SLC2A13: variants seen among roughly 807,000 people sequenced by gnomAD.
SLC2A13 encodes the protein proton myo-inositol cotransporter.
SLC2A13 carries 32 observed loss-of-function variants against 64.4 expected under a neutral mutation model. The observed-to-expected ratio is 0.50, with a 90% CI of 0.37 to 0.67. The LOEUF (loss-of-function observed/expected upper bound fraction) is 0.67. SLC2A13 is among the 30% of genes least tolerant of loss of function. SLC2A13 has a pLI of 0.00. For synonymous variants in SLC2A13, 338 were observed against 327.1 expected, an observed-to-expected ratio of 1.03 and a Z score of -0.36; for missense variants, 743 against 829.2, an observed-to-expected ratio of 0.90 and a Z score of 1.28.
intron 1 of SLC2A13, among the ~76,000 whole-genome samples, chr12:40,093,654 G>C (rs1344710646): frequency 1.3e-5 from 2 of 152,076 alleles, no homozygotes; most frequent in African/African-American, 4.8e-5. Context: ...AAACACAAGA[G>C]AGAAAGGGAA....
chr12:39,892,296 C>T (rs1329069981), intron 4 of SLC2A13, among the ~76,000 whole-genome samples: 1 of 152,150 alleles, frequency 6.6e-6, no homozygotes, highest in African/African-American at 2.4e-5. Context: ...ACCCTTTCAG[C>T]TTGTTTGGGT....
intron 1 of SLC2A13, among the ~76,000 whole-genome samples, chr12:40,102,059 A>G (rs1350483735): frequency 3.3e-5 from 5 of 152,138 alleles, no homozygotes; most frequent in Non-Finnish European, 5.9e-5. Context: ...TGAATATCCC[A>G]CTGTAGAACT....
At chr12:39,826,864 T>TTTTTTTTTTTTTTTTTTTTTTTTTC (rs908001616) in intron 7 of SLC2A13, among the ~76,000 whole-genome samples, 4 of 143,508 alleles carry the variant, frequency 2.8e-5, no homozygotes, top group Non-Finnish European at 6.1e-5. Context: ...ATTTTTTTTT[T>TTTTTTTTTTTTTTTTTTTTTTTTTC]TTTTTTTTGC....
chr12:39,816,436 G>T (rs1200649115), intron 7 of SLC2A13, among the ~76,000 whole-genome samples: 3 of 120,914 alleles, frequency 2.5e-5, no homozygotes, highest in Non-Finnish European at 5.1e-5. Flanking sequence ...GTTGTGGGGT[G>T]GGGGGAGGGG....
chr12:39,819,268 A>C (rs971546305), intron 7 of SLC2A13, among the ~76,000 whole-genome samples: 1 of 152,200 alleles, frequency 6.6e-6, no homozygotes, highest in Non-Finnish European at 1.5e-5. Flanking sequence ...TTCATGGTTT[A>C]CAAATATTTT....
At chr12:39,960,034 T>G (rs1387431805) in intron 3 of SLC2A13, among the ~76,000 whole-genome samples, 1 of 152,154 alleles carries the variant, frequency 6.6e-6, no homozygotes, top group Admixed American at 6.5e-5. Context: ...TCCATATGAT[T>G]TTCTTAAATA....
At chr12:39,761,276 T>G (rs1940136422) in intron 9 of SLC2A13, among the ~76,000 whole-genome samples, 1 of 151,940 alleles carries the variant, frequency 6.6e-6, no homozygotes. Flanking sequence ...AGCTCCTACT[T>G]AAGTGTTGGC....
intron 2 of SLC2A13, among the ~76,000 whole-genome samples, chr12:40,031,924 T>C (rs1196385731): frequency 6.6e-6 from 1 of 152,180 alleles, no homozygotes; most frequent in African/African-American, 2.4e-5. Flanking sequence ...ATTAGATGAA[T>C]GACAGAGTAT....
intron 7 of SLC2A13, among the ~76,000 whole-genome samples, chr12:39,785,382 G>A (rs957422618): frequency 2.6e-4 from 40 of 152,248 alleles, no homozygotes; most frequent in African/African-American, 9.4e-4. Context: ...CGTTGAGCCT[G>A]TGGGTGCACA....
intron 6 of SLC2A13, 112 bp from the exon 7 acceptor site, chr12:39,830,340 G>A: frequency 6.8e-7 from 1 of 1,475,602 alleles, no homozygotes. Context: ...GTAAGCTTGG[G>A]GCCTTGGGAC....
At chr12:39,873,521 CAAATATTT>C (rs1592228500) in intron 4 of SLC2A13, among the ~76,000 whole-genome samples, 1 of 152,102 alleles carries the variant, frequency 6.6e-6, no homozygotes, top group African/African-American at 2.4e-5. Context: ...AAAGAAAATT[CAAATATTT>C]AAAGCCAAAA....
At chr12:39,955,255 C>T (rs1226555689) in intron 3 of SLC2A13, among the ~76,000 whole-genome samples, 2 of 152,248 alleles carry the variant, frequency 1.3e-5, no homozygotes, top group East Asian at 3.9e-4. Context: ...CTAAATAACA[C>T]ATTTCTATGA....
chr12:39,908,925 G>A (rs946286335), intron 4 of SLC2A13, among the ~76,000 whole-genome samples: 15 of 151,932 alleles, frequency 9.9e-5, no homozygotes, highest in Admixed American at 7.2e-4. Flanking sequence ...TTATTGATAC[G>A]TGAAGAATAC....
chr12:39,853,535 C>CTTCCT (rs1424983917), intron 6 of SLC2A13, among the ~76,000 whole-genome samples: 2 of 151,584 alleles, frequency 1.3e-5, no homozygotes, highest in African/African-American at 2.4e-5. Flanking sequence ...TTTTTTTCTC[C>CTTCCT]TTTCTTTTCT....
intron 7 of SLC2A13, among the ~76,000 whole-genome samples, chr12:39,789,874 T>C (rs1412132757): frequency 2.0e-5 from 3 of 152,162 alleles, no homozygotes; most frequent in Non-Finnish European, 4.4e-5. Flanking sequence ...CATTTTCCAA[T>C]TGGACAGTTT....
At chr12:39,871,659 T>A in intron 5 of SLC2A13, 139 bp downstream of exon 5, 1 of 795,070 alleles carries the variant, frequency 1.3e-6, no homozygotes, top group Non-Finnish European at 1.8e-6. Context: ...TCTTTTTTGG[T>A]CTAGAAGAAC....
intron 1 of SLC2A13, among the ~76,000 whole-genome samples, chr12:40,085,424 G>A (rs1243652823): frequency 2.0e-5 from 3 of 152,146 alleles, no homozygotes; most frequent in South Asian, 2.1e-4. Context: ...CTTGAGGACT[G>A]TGCCCTCAAC....
intron 4 of SLC2A13, among the ~76,000 whole-genome samples, chr12:39,901,657 A>C (rs1184721001): frequency 4.0e-4 from 51 of 126,852 alleles, no homozygotes; most frequent in African/African-American, 1.6e-3. Context: ...ATCTCACACC[A>C]GTTAGAATGG....
At chr12:39,925,411 T>G (rs1399256834) in intron 4 of SLC2A13, among the ~76,000 whole-genome samples, 1 of 152,148 alleles carries the variant, frequency 6.6e-6, no homozygotes, top group African/African-American at 2.4e-5. Context: ...TAATTAAATC[T>G]TTCAATTTCT....
Sources: gnomAD v4.1 joint callset for allele counts (sites outside exome capture counted in the v4.1 genomes callset) on GRCh38, gnomAD v4.1.1 for gene constraint, MANE v1.5 for transcripts, NCBI Gene and HGNC (gene_info 2026-07-23, HGNC 2026-07-21) for gene names.